The following LRRCC1 variants were observed in gnomAD, a reference collection of about 807,000 sequenced individuals.
The protein encoded by LRRCC1 is leucine rich repeat and coiled-coil centrosomal protein 1.
Under a neutral mutation model 126.0 loss-of-function variants are expected in LRRCC1, and 115 were observed. The observed-to-expected ratio is 0.91, with a 90% CI of 0.78 to 1.07. The LOEUF is 1.07. Among genes scored for constraint, LRRCC1 ranks in the 50% least tolerant of loss-of-function variants. The pLI is 0.00. For missense variants in LRRCC1, 1,172 were observed against 1,175.7 expected (o/e 1.00, Z 0.05); for synonymous variants, 400 against 393.4 (o/e 1.02, Z -0.20).
At chr8:85,139,390 G>A (rs1402374790) in intron 17 of LRRCC1, among the ~76,000 whole-genome samples, 5 of 151,990 alleles carry the variant, frequency 3.3e-5, no homozygotes, top group Non-Finnish European at 5.9e-5. Flanking sequence ...TCAGCCTCCC[G>A]AGTAGCTGGG....
intron 18 of LRRCC1, among the ~76,000 whole-genome samples, chr8:85,142,814 G>C (rs547355756): frequency 6.8e-6 from 1 of 146,434 alleles, no homozygotes; most frequent in African/African-American, 2.6e-5. Flanking sequence ...CCTGGACTAC[G>C]GAGCGAGACC....
chr8:85,145,519 G>T lies in LRRCC1; in HGVS notation c.*8G>T. 6.4e-7 allele frequency: 1 copy of T among 1,572,346 alleles called. No homozygotes were observed. On this transcript the variant is annotated 3_prime_UTR_variant, in exon 19 of 19. Coordinates refer to ENST00000360375, the MANE Select transcript of LRRCC1 (RefSeq NM_033402.5). Reference sequence around the variant, plus strand: ...ATTCAGCAAGATATGTGATGGTTCTGAGAATGAATTTAATTGAAATAGACC... The same window carrying T: ...ATTCAGCAAGATATGTGATGGTTCTTAGAATGAATTTAATTGAAATAGACC...
At chr8:85,120,041 A>C (rs1225679088) in intron 6 of LRRCC1, among the ~76,000 whole-genome samples, 1 of 152,100 alleles carries the variant, frequency 6.6e-6, no homozygotes, top group Non-Finnish European at 1.5e-5. Context: ...CATTCTGTAG[A>C]TATGTTATTG....
intron 1 of LRRCC1, chr8:85,108,553 A>G (rs1003727458): frequency 4.6e-5 from 7 of 152,220 alleles, no homozygotes; most frequent in African/African-American, 1.7e-4. Context: ...GAGAAACTGA[A>G]ATGTGTCAGA....
chr8:85,122,795 T>C (rs1276064129), intron 6 of LRRCC1, among the ~76,000 whole-genome samples: 2 of 152,232 alleles, frequency 1.3e-5, no homozygotes, highest in Non-Finnish European at 1.5e-5. Flanking sequence ...CTGGACATTG[T>C]GAATGTTTCG....
chr8:85,109,843 G>C, intron 2 of LRRCC1, 43 bp downstream of exon 2: 1 of 1,038,268 alleles, frequency 9.6e-7, no homozygotes, highest in East Asian at 2.5e-5. Flanking sequence ...TAAGGAAAAT[G>C]ATTTAGGTCC....
In LRRCC1 at chr8:85,129,230, G is replaced by T. The variant is rs201659234; in HGVS notation, c.1477G>T (p.Val493Phe). The T allele has an allele frequency of 2.2e-5, 36 of 1,613,138 alleles. 1 individual carries two copies. The African/African-American group carries it at 4.5e-4, about 20-fold the overall frequency. The change falls in exon 10 of 19, where the codon GTT becomes TTT. Residue 493 changes from valine (V) to phenylalanine (F), a missense_variant. Val to Phe is a conservative substitution (Grantham distance 50, BLOSUM62 -1). Transcript: ENST00000360375. ...TTCCAAAGGACAACTCGAAGTTATG[G>T]TTCACAAACTTCAAAATGAAATTAA... ...RNSKGQLEVMVHKLQNEIKKL... is the reference protein window; with the variant it reads ...RNSKGQLEVMFHKLQNEIKKL...
intron 3 of LRRCC1, among the ~76,000 whole-genome samples, chr8:85,112,051 G>A (rs1381420183): frequency 6.6e-6 from 1 of 151,832 alleles, no homozygotes; most frequent in African/African-American, 2.4e-5. Context: ...TAGTAGAGAC[G>A]GGGTTTTGCC....
intron 18 of LRRCC1, among the ~76,000 whole-genome samples, chr8:85,143,591 ATC>A (rs1811419880): frequency 6.6e-6 from 1 of 152,150 alleles, no homozygotes; most frequent in Admixed American, 6.5e-5. Flanking sequence ...GTGAGCTGTG[ATC>A]ATACCACTGC....
chr8:85,119,826 A>G (rs1195831566), intron 6 of LRRCC1, among the ~76,000 whole-genome samples: 1 of 152,090 alleles, frequency 6.6e-6, no homozygotes, highest in African/African-American at 2.4e-5. Flanking sequence ...TACTTAGGTC[A>G]TCGATTTTAG....
chr8:85,109,116 C>G (rs1226461724), intron 1 of LRRCC1: 1 of 153,806 alleles, frequency 6.5e-6, no homozygotes, highest in Non-Finnish European at 1.4e-5. Context: ...TTTGGGCAAG[C>G]TATTTAATTT....
Position 85,145,513 on chromosome 8 carries a change from G to C in LRRCC1, c.*2G>C. On this transcript the variant is annotated 3_prime_UTR_variant, in exon 19 of 19. Coordinates refer to ENST00000360375, the MANE Select transcript of LRRCC1 (RefSeq NM_033402.5). ...AATGAAATTCAGCAAGATATGTGAT[G>C]GTTCTGAGAATGAATTTAATTGAAA... 6.4e-7 allele frequency: 1 copy of C among 1,573,424 alleles called. No homozygotes were observed. The highest frequency in any genetic ancestry group is 8.6e-7 in the Non-Finnish European group (1 of 1,167,270).
At chr8:85,138,295 T>C in intron 16 of LRRCC1, 43 bp from the exon 17 acceptor site, 1 of 1,584,240 alleles carries the variant, frequency 6.3e-7, no homozygotes, top group Admixed American at 1.9e-5. Context: ...GGCTTAATAA[T>C]TTAATAAACC....
intron 8 of LRRCC1, 151 bp from the exon 9 acceptor site, chr8:85,126,538 G>T: frequency 1.6e-6 from 1 of 629,532 alleles, no homozygotes; most frequent in East Asian, 2.9e-5. Context: ...AGCCTGGGTG[G>T]CAGAGTGAGA....
At chr8:85,117,922 G>C (rs77699377) in intron 6 of LRRCC1, among the ~76,000 whole-genome samples, 3,235 of 152,066 alleles carry the variant, frequency 0.021, 96 homozygotes, top group African/African-American at 0.073. Context: ...TTTCTTTAAT[G>C]TGAAATACAG....
chr8:85,145,035 G>A (rs1030281407), intron 18 of LRRCC1, among the ~76,000 whole-genome samples: 2 of 149,842 alleles, frequency 1.3e-5, no homozygotes, highest in African/African-American at 2.4e-5. Flanking sequence ...AGCTGAGATC[G>A]CACCACTGCA....
intron 11 of LRRCC1, 63 bp downstream of exon 11, chr8:85,130,121 T>TGGGGAA: frequency 8.1e-7 from 1 of 1,229,522 alleles, no homozygotes; most frequent in Non-Finnish European, 1.1e-6. Flanking sequence ...AGCTACTGGT[T>TGGGGAA]CCCCACTACC....
At chr8:85,113,131 C>T (rs1041389400) in intron 4 of LRRCC1, 32 bp downstream of exon 4, 1 of 1,529,924 alleles carries the variant, frequency 6.5e-7, no homozygotes, top group African/African-American at 1.4e-5. Flanking sequence ...TTTTTTCTAA[C>T]AGTTAATATT....
At chr8:85,132,311 A>G (rs1234815227) in intron 12 of LRRCC1, among the ~76,000 whole-genome samples, 4 of 151,356 alleles carry the variant, frequency 2.6e-5, no homozygotes, top group African/African-American at 9.7e-5. Flanking sequence ...GAACAGAGCC[A>G]TGCTCATTTT....
Sources: gnomAD v4.1 joint callset for allele counts (sites outside exome capture counted in the v4.1 genomes callset) on GRCh38, gnomAD v4.1.1 for gene constraint, MANE v1.5 for transcripts, NCBI Gene and HGNC (gene_info 2026-07-23, HGNC 2026-07-21) for gene names.